Variants in EIF4G3 observed in about 807,000 individuals in gnomAD.
EIF4G3 encodes eukaryotic translation initiation factor 4 gamma 3, also known as eIF-4-gamma 3.
Under a neutral mutation model 186.4 loss-of-function variants are expected in EIF4G3, and 34 were observed. The observed-to-expected ratio is 0.18, with a 90% CI of 0.14 to 0.24. EIF4G3 has a LOEUF of 0.24. EIF4G3 is among the 10% of genes least tolerant of loss of function. The probability of loss-of-function intolerance (pLI) is 1.00; values close to 1 mark genes in which losing one functional copy is unlikely to be tolerated. For synonymous variants in EIF4G3, 673 were observed against 679.5 expected (o/e 0.99, Z 0.15); for missense variants, 1,536 against 1,948.5 (o/e 0.79, Z 3.99).
chr1:20,955,759 G>A (rs1451251708), intron 12 of EIF4G3, among the ~76,000 whole-genome samples: 2 of 152,124 alleles, frequency 1.3e-5, no homozygotes, highest in Non-Finnish European at 2.9e-5. Flanking sequence ...TATCTATGAG[G>A]AGAGAGGGGT....
chr1:21,174,946 G>A (rs886772134), intron 2 of EIF4G3, among the ~76,000 whole-genome samples: 4 of 152,196 alleles, frequency 2.6e-5, no homozygotes, highest in African/African-American at 9.7e-5. Flanking sequence ...AATGACTCTA[G>A]AAGGGAGATT....
Position 20,851,157 on chromosome 1 carries a change from T to C in EIF4G3, c.3772+101A>G, listed in dbSNP as rs1253354297. On this transcript the variant is annotated intron_variant, in intron 28 of 36. Transcript: ENST00000602326. ...CTTCAGATGCTGGTATGTGTTGCTATTATGTGTTAATTCTAAAATCTACTC... is the reference window on the plus strand; with the variant it reads ...CTTCAGATGCTGGTATGTGTTGCTACTATGTGTTAATTCTAAAATCTACTC... The C allele has an allele frequency of 3.9e-6, 4 of 1,032,014 alleles. No individual in the cohort carries two copies. In the Admixed American group the frequency reaches 6.4e-5, roughly 17 times the overall value. The allele number at this position is 1,032,014 out of a possible 1,614,324, so 63.9% of individuals were successfully genotyped here. A position where few individuals can be genotyped will look rare whatever the true frequency, so the allele number is the denominator to read the frequency against.
chr1:20,910,121 C>T (rs1249718608), intron 14 of EIF4G3, among the ~76,000 whole-genome samples: 3 of 151,688 alleles, frequency 2.0e-5, no homozygotes, highest in Non-Finnish European at 2.9e-5. Flanking sequence ...GTTAAAAGCT[C>T]GTAATTAGTG....
chr1:20,864,761 G>A, intron 21 of EIF4G3, 49 bp from the exon 22 acceptor site: 1 of 1,434,152 alleles, frequency 7.0e-7, no homozygotes, highest in Non-Finnish European at 9.7e-7. Flanking sequence ...AAGTTGTACT[G>A]CACAATAAAC....
At chr1:20,817,089 AG>A in intron 34 of EIF4G3, among the ~76,000 whole-genome samples, 1 of 138,894 alleles carries the variant, frequency 7.2e-6, no homozygotes, top group Admixed American at 7.2e-5. Flanking sequence ...TTAAGTACCC[AG>A]GGACACAAAC....
chr1:20,972,861 G>A (rs953591162), intron 11 of EIF4G3, 141 bp downstream of exon 11: 5 of 600,870 alleles, frequency 8.3e-6, no homozygotes, highest in African/African-American at 7.7e-5. Flanking sequence ...TCCAGGTGAA[G>A]TGGTGTGACT....
chr1:21,019,659 C>T (rs1273362152), intron 4 of EIF4G3, among the ~76,000 whole-genome samples: 3 of 152,118 alleles, frequency 2.0e-5, no homozygotes, highest in South Asian at 2.1e-4. Context: ...CCAAGGCAGA[C>T]GGATCACAAG....
At chr1:20,963,175 T>A (rs1338025762) in intron 12 of EIF4G3, among the ~76,000 whole-genome samples, 2 of 152,146 alleles carry the variant, frequency 1.3e-5, no homozygotes, top group East Asian at 3.8e-4. Context: ...ATATATTTTA[T>A]GGCACTAAAT....
intron 7 of EIF4G3, among the ~76,000 whole-genome samples, chr1:20,995,383 G>C (rs1327324190): frequency 6.6e-6 from 1 of 151,960 alleles, no homozygotes; most frequent in Admixed American, 6.6e-5. Flanking sequence ...GTTTGTTTTT[G>C]TGTTTTGAGA....
chr1:20,893,669 T>C (rs781023611), intron 17 of EIF4G3, 33 bp from the exon 18 acceptor site: 16 of 1,508,514 alleles, frequency 1.1e-5, no homozygotes, highest in Non-Finnish European at 1.3e-5. Context: ...GCTTAATACA[T>C]GTTCCAGAGC....
chr1:20,882,875 G>A (rs1422822604), intron 19 of EIF4G3, among the ~76,000 whole-genome samples: 1 of 151,750 alleles, frequency 6.6e-6, no homozygotes, highest in Non-Finnish European at 1.5e-5. Context: ...GACCGCTTGA[G>A]CCCAGGAGTT....
chr1:20,963,219 G>T (rs2073825096), intron 12 of EIF4G3, among the ~76,000 whole-genome samples: 1 of 151,922 alleles, frequency 6.6e-6, no homozygotes, highest in South Asian at 2.1e-4. Context: ...TATATTTTGT[G>T]TATTCATGAC....
At chr1:21,033,246 T>C (rs1009303763) in intron 4 of EIF4G3, among the ~76,000 whole-genome samples, 5 of 152,134 alleles carry the variant, frequency 3.3e-5, no homozygotes, top group African/African-American at 1.2e-4. Flanking sequence ...ACATAATAAA[T>C]ACGGTAAGAG....
intron 2 of EIF4G3, among the ~76,000 whole-genome samples, chr1:21,105,790 CAG>C (rs2096606765): frequency 6.6e-6 from 1 of 152,118 alleles, no homozygotes; most frequent in Non-Finnish European, 1.5e-5. Flanking sequence ...TGGTTGGGCA[CAG>C]AGACTCACTC....
chr1:20,990,282 G>C (rs2080784392), intron 7 of EIF4G3, among the ~76,000 whole-genome samples: 1 of 152,184 alleles, frequency 6.6e-6, no homozygotes, highest in African/African-American at 2.4e-5. Flanking sequence ...CCACTACCCT[G>C]ATCAGTCAGC....
chr1:20,833,443 T>C (rs1423894801), intron 30 of EIF4G3, among the ~76,000 whole-genome samples: 1 of 152,158 alleles, frequency 6.6e-6, no homozygotes, highest in Non-Finnish European at 1.5e-5. Context: ...CTTGTGATTT[T>C]TGTACATTGA....
intron 2 of EIF4G3, 54 bp downstream of exon 2, chr1:21,176,121 C>A: frequency 3.0e-6 from 1 of 330,096 alleles, no homozygotes; most frequent in South Asian, 1.2e-4. Context: ...TGCGGGGTCC[C>A]CCTGGACTGC....
intron 3 of EIF4G3, among the ~76,000 whole-genome samples, chr1:21,077,247 C>G (rs1184875098): frequency 2.0e-5 from 3 of 151,570 alleles, no homozygotes; most frequent in Non-Finnish European, 2.9e-5. Flanking sequence ...AATAAATAAA[C>G]AAATTGGCCT....
At chr1:21,102,468 C>T (rs528575446) in intron 2 of EIF4G3, among the ~76,000 whole-genome samples, 5 of 152,162 alleles carry the variant, frequency 3.3e-5, no homozygotes, top group Admixed American at 6.5e-5. Flanking sequence ...AGTTACCAAA[C>T]ATTAATTAAA....
Sources: gnomAD v4.1 joint callset for allele counts (sites outside exome capture counted in the v4.1 genomes callset) on GRCh38, gnomAD v4.1.1 for gene constraint, MANE v1.5 for transcripts, NCBI Gene and HGNC (gene_info 2026-07-23, HGNC 2026-07-21) for gene names.